Variants in ADARB2 observed in about 807,000 individuals in gnomAD.
The protein encoded by ADARB2 is inactive double-stranded RNA-specific editase B2.
In ADARB2, 25 loss-of-function variants were observed where a neutral mutation model predicts 62.2. That is an observed-to-expected ratio of 0.40 (90% CI 0.29 to 0.56). ADARB2 has a LOEUF of 0.56. ADARB2 is among the 20% of genes least tolerant of loss of function. The pLI, the probability that ADARB2 is intolerant of heterozygous loss-of-function variation, is 0.43. For missense variants in ADARB2, 1,071 were observed against 1,077.4 expected, an observed-to-expected ratio of 0.99 and a Z score of 0.08; for synonymous variants, 572 against 500.8, an observed-to-expected ratio of 1.14 and a Z score of -1.90.
intron 1 of ADARB2, among the ~76,000 whole-genome samples, chr10:1,586,678 G>A (rs1423519089): frequency 6.6e-6 from 1 of 152,024 alleles, no homozygotes; most frequent in East Asian, 1.9e-4. Context: ...AAGGAAAACC[G>A]ACTCCTTCCT....
intron 5 of ADARB2, among the ~76,000 whole-genome samples, chr10:1,241,225 C>G (rs536489785): frequency 2.0e-5 from 3 of 152,146 alleles, no homozygotes; most frequent in Admixed American, 1.3e-4. Flanking sequence ...TGCCATTGCA[C>G]TCCAGCCTGG....
At chr10:1,381,369 C>A (rs1441810143) in intron 1 of ADARB2, among the ~76,000 whole-genome samples, 1 of 152,248 alleles carries the variant, frequency 6.6e-6, no homozygotes, top group Admixed American at 6.5e-5. Context: ...AATACCTCCT[C>A]ACACCCATTA....
rs778966514 is a variant in ADARB2 at position 1,363,048 on chromosome 10, T to G, written c.1057A>C (p.Arg353=). ...QMPGHAPGRA[R]RTPMPQEFAD... is the part of the protein sequence containing the mutation. Reference sequence around the variant, plus strand: ...CTCACCTGCGGCATTGGCGTCCTCCTGGCCCTGCCGGGCGCGTGGCCGGGC... The same window carrying G: ...CTCACCTGCGGCATTGGCGTCCTCCGGGCCCTGCCGGGCGCGTGGCCGGGC... Residue 353 remains arginine, a synonymous_variant, in exon 3 of 10, where the codon AGG becomes CGG. Coordinates refer to ENST00000381312, the MANE Select transcript of ADARB2 (RefSeq NM_018702.4). 4.2e-6 allele frequency: 6 copies of G among 1,422,264 alleles called. No homozygotes were observed. In the South Asian group the frequency reaches 9.1e-5, roughly 22 times the overall value. 88.1% of individuals were successfully genotyped at this position (1,422,264 alleles called of 1,614,324 possible).
chr10:1,518,922 T>C (rs1832040078), intron 1 of ADARB2, among the ~76,000 whole-genome samples: 1 of 151,922 alleles, frequency 6.6e-6, no homozygotes, highest in African/African-American at 2.4e-5. Flanking sequence ...GTATTCCATG[T>C]AACATCTGTA....
chr10:1,481,501 A>G (rs1001312132), intron 1 of ADARB2, among the ~76,000 whole-genome samples: 1 of 152,218 alleles, frequency 6.6e-6, no homozygotes, highest in Non-Finnish European at 1.5e-5. Context: ...CCATCAAGGG[A>G]GTGAAATAGA....
chr10:1,450,651 A>T (rs1831025657), intron 1 of ADARB2, among the ~76,000 whole-genome samples: 1 of 152,218 alleles, frequency 6.6e-6, no homozygotes, highest in South Asian at 2.1e-4. Flanking sequence ...CTATTTGACG[A>T]GGATCTGAGT....
At position 1,354,546 on chromosome 10, in the gene ADARB2, T is replaced by TG. The variant is rs376671088; in HGVS notation, c.1077+8481dup. Among the ~76,000 whole-genome samples the TG allele has an allele frequency of 3.2e-3, 480 of 152,330 alleles. 3 individuals are homozygous for TG. The highest frequency in any genetic ancestry group is 0.011 in the African/African-American group (456 of 41,586). On this transcript the variant is annotated intron_variant, in intron 3 of 9. Transcript: ENST00000381312. The stretch of plus-strand genomic sequence containing the variant: ...TGTTGCTCACACAAAGCCTGTTTGG[T>TG]GTCCCTTCACAGGTACGTGCATGAA...
At chr10:1,589,196 G>A (rs533492109) in intron 1 of ADARB2, among the ~76,000 whole-genome samples, 9 of 152,322 alleles carry the variant, frequency 5.9e-5, no homozygotes, top group African/African-American at 1.7e-4. Context: ...CATTTGTGGC[G>A]AACAGATGGT....
intron 5 of ADARB2, 118 bp downstream of exon 5, chr10:1,242,013 C>T (rs925748244): frequency 3.6e-5 from 40 of 1,124,560 alleles, no homozygotes; most frequent in Admixed American, 8.0e-5. Flanking sequence ...CTTTCTGGCT[C>T]ACCCTGTGCC....
chr10:1,400,779 C>G (rs188522039), intron 1 of ADARB2, among the ~76,000 whole-genome samples: 205 of 152,218 alleles, frequency 1.3e-3, no homozygotes, highest in Admixed American at 2.2e-3. Flanking sequence ...GCGTTCCACA[C>G]GGTTTGTAAA....
chr10:1,311,850 G>A (rs1327117076), intron 3 of ADARB2, among the ~76,000 whole-genome samples: 1 of 152,230 alleles, frequency 6.6e-6, no homozygotes, highest in African/African-American at 2.4e-5. Context: ...CAATGGGCTG[G>A]ATCTTAAGCC....
At chr10:1,261,241 G>C (rs2131790469) in intron 4 of ADARB2, among the ~76,000 whole-genome samples, 1 of 150,280 alleles carries the variant, frequency 6.7e-6, no homozygotes, top group South Asian at 2.1e-4. Flanking sequence ...ACATAGGCAT[G>C]GGCAAGGACT....
chr10:1,458,602 C>G (rs1276654534), intron 1 of ADARB2, among the ~76,000 whole-genome samples: 1 of 152,144 alleles, frequency 6.6e-6, no homozygotes, highest in Non-Finnish European at 1.5e-5. Flanking sequence ...CTTGGGGGTC[C>G]ACCGCTATGG....
At chr10:1,241,906 G>A (rs1288419398) in intron 5 of ADARB2, among the ~76,000 whole-genome samples, 1 of 152,230 alleles carries the variant, frequency 6.6e-6, no homozygotes, top group African/African-American at 2.4e-5. Context: ...GGGAAACGTG[G>A]AGTAAGGAGG....
At chr10:1,528,530 C>A (rs1214351120) in intron 1 of ADARB2, among the ~76,000 whole-genome samples, 1 of 152,180 alleles carries the variant, frequency 6.6e-6, no homozygotes, top group South Asian at 2.1e-4. Context: ...TAGAGGTAAA[C>A]CGTGGTATAG....
intron 9 of ADARB2, 64 bp from the exon 10 acceptor site, chr10:1,183,433 G>A: frequency 6.3e-7 from 1 of 1,576,154 alleles, no homozygotes; most frequent in Non-Finnish European, 8.7e-7. Flanking sequence ...TGCTAGGTGA[G>A]TTTTACATGC....
intron 6 of ADARB2, 49 bp downstream of exon 6, chr10:1,233,644 AG>A: frequency 6.4e-7 from 1 of 1,554,266 alleles, no homozygotes; most frequent in Non-Finnish European, 8.7e-7. Context: ...TCCCAGATAG[AG>A]GGAGCTGGGG....
intron 3 of ADARB2, among the ~76,000 whole-genome samples, chr10:1,313,087 A>G (rs1416835149): frequency 6.6e-6 from 1 of 152,090 alleles, no homozygotes; most frequent in African/African-American, 2.4e-5. Context: ...CCATTCCTCA[A>G]CAAGCATCTG....
At chr10:1,310,224 G>A (rs920694734) in intron 3 of ADARB2, among the ~76,000 whole-genome samples, 2 of 152,172 alleles carry the variant, frequency 1.3e-5, no homozygotes, top group Admixed American at 1.3e-4. Flanking sequence ...TTGCATTTAC[G>A]CAGAGGTACA....
Sources: allele counts gnomAD v4.1 joint callset (sites outside exome capture counted in the v4.1 genomes callset), GRCh38; gene constraint gnomAD v4.1.1; transcripts MANE v1.5; gene names NCBI Gene and HGNC (gene_info 2026-07-23, HGNC 2026-07-21).